The following CCDC171 variants were observed in gnomAD, a reference collection of about 807,000 sequenced individuals.
CCDC171 encodes coiled-coil domain-containing protein 171.
CCDC171 carries 177 observed loss-of-function variants against 168.2 expected under a neutral mutation model. That is an observed-to-expected ratio of 1.05 (90% CI 0.93 to 1.19). CCDC171 has a LOEUF of 1.19. Among genes scored for constraint, CCDC171 ranks in the 50% most tolerant of loss-of-function variants. The pLI, the probability that CCDC171 is intolerant of heterozygous loss-of-function variation, is 0.00. For missense variants in CCDC171, 1,991 were observed against 1,539.0 expected, an observed-to-expected ratio of 1.29 and a Z score of -4.91; for synonymous variants, 687 against 540.8, an observed-to-expected ratio of 1.27 and a Z score of -3.75.
intron 25 of CCDC171, among the ~76,000 whole-genome samples, chr9:15,943,993 A>G (rs1438264047): frequency 6.6e-6 from 1 of 152,062 alleles, no homozygotes; most frequent in Non-Finnish European, 1.5e-5. Context: ...GAACCGAAAC[A>G]GGATGCCACT....
intron 10 of CCDC171, among the ~76,000 whole-genome samples, chr9:15,682,027 G>T (rs904202412): frequency 6.6e-6 from 1 of 151,946 alleles, no homozygotes; most frequent in Admixed American, 6.6e-5. Flanking sequence ...TGAGGTACCA[G>T]ATTGTTTTCT....
chr9:15,847,839 A>T (rs1326378214), intron 22 of CCDC171, among the ~76,000 whole-genome samples: 1 of 152,130 alleles, frequency 6.6e-6, no homozygotes, highest in Non-Finnish European at 1.5e-5. Flanking sequence ...TTGCTCAAAC[A>T]TAATGAAAAC....
intron 3 of CCDC171, among the ~76,000 whole-genome samples, chr9:15,573,442 C>A (rs558445900): frequency 6.6e-6 from 1 of 151,836 alleles, no homozygotes; most frequent in African/African-American, 2.4e-5. Flanking sequence ...CCACCATGCC[C>A]GGCTAATTTT....
intron 6 of CCDC171, among the ~76,000 whole-genome samples, chr9:16,034,051 T>A (rs1193529237): frequency 6.6e-6 from 1 of 152,226 alleles, no homozygotes; most frequent in African/African-American, 2.4e-5. Flanking sequence ...GAAGATCAAG[T>A]GCTTATCTCA....
At chr9:16,080,754 G>T in the CCDC171 span, among the ~76,000 whole-genome samples, 1 of 152,142 alleles carries the variant, frequency 6.6e-6, no homozygotes, top group African/African-American at 2.4e-5. Flanking sequence ...CTATCTAGTA[G>T]AAATACTGTG....
intron 25 of CCDC171, among the ~76,000 whole-genome samples, chr9:15,950,745 A>G (rs1184694075): frequency 6.6e-6 from 1 of 152,060 alleles, no homozygotes; most frequent in Non-Finnish European, 1.5e-5. Flanking sequence ...CTAACATCAT[A>G]ATGACAGGAT....
chr9:15,687,695 A>T (rs2050496023), intron 10 of CCDC171, among the ~76,000 whole-genome samples: 1 of 152,226 alleles, frequency 6.6e-6, no homozygotes, highest in Non-Finnish European at 1.5e-5. Flanking sequence ...CGAAAGGGGG[A>T]TATAACTACT....
chr9:16,004,966 T>C (rs940539480), intron 3 of CCDC171, among the ~76,000 whole-genome samples: 1 of 152,188 alleles, frequency 6.6e-6, no homozygotes, highest in Non-Finnish European at 1.5e-5. Flanking sequence ...ATATATCGCA[T>C]AGATACCATA....
At chr9:15,565,174 C>T (rs1015764068) in intron 2 of CCDC171, among the ~76,000 whole-genome samples, 6 of 151,484 alleles carry the variant, frequency 4.0e-5, no homozygotes, top group Non-Finnish European at 5.9e-5. Context: ...CTGCAACCTC[C>T]GCCTCCCGAG....
chr9:15,617,371 G>A (rs146305895), intron 6 of CCDC171, among the ~76,000 whole-genome samples: 1 of 149,728 alleles, frequency 6.7e-6, no homozygotes, highest in East Asian at 2.0e-4. Flanking sequence ...TGGGCTTTTT[G>A]TGGGAGGGTT....
At chr9:15,642,083 G>C (rs767451548) in intron 7 of CCDC171, among the ~76,000 whole-genome samples, 1 of 151,954 alleles carries the variant, frequency 6.6e-6, no homozygotes, top group Non-Finnish European at 1.5e-5. Flanking sequence ...ACAATTGCTT[G>C]AAACCAGGAG....
At chr9:15,890,515 C>T (rs1433683407) in intron 24 of CCDC171, among the ~76,000 whole-genome samples, 1 of 149,802 alleles carries the variant, frequency 6.7e-6, no homozygotes, top group Non-Finnish European at 1.5e-5. Context: ...GGGGATTGAC[C>T]TGGAGGATTG....
At position 15,745,607 on chromosome 9, in the gene CCDC171, T is replaced by C. The variant is rs761886271; in HGVS notation, c.2647T>C (p.Leu883=). The C allele has an allele frequency of 6.4e-7, 1 of 1,560,374 alleles. No homozygotes were observed. Residue 883 remains leucine (L), a synonymous_variant, in exon 18 of 26, where the codon TTA becomes CTA. Coordinates refer to ENST00000380701, the MANE Select transcript of CCDC171 (RefSeq NM_173550.4). ...LAAIISSMAE[L]QDVIGKADPN... is the part of the protein sequence containing the mutation. ...TGCAATAATCAGTTCTATGGCTGAA[T>C]TACAAGACGTCATTGGTAAAGCAGG...
At chr9:15,737,190 A>T (rs542683748) in intron 16 of CCDC171, among the ~76,000 whole-genome samples, 15 of 152,172 alleles carry the variant, frequency 9.9e-5, no homozygotes, top group African/African-American at 3.1e-4. Flanking sequence ...AAAAAACTAT[A>T]TATGTTATAT....
intron 8 of CCDC171, among the ~76,000 whole-genome samples, chr9:15,664,567 T>TACACACACACACACACAC (rs34252519): frequency 0.061 from 8,797 of 143,904 alleles, 328 homozygotes; most frequent in Middle Eastern, 0.073. Context: ...CTTAAATTTA[T>TACACACACACACACACAC]ACACACACAC....
chr9:15,723,983 G>C (rs968246276), intron 13 of CCDC171, among the ~76,000 whole-genome samples: 1 of 152,042 alleles, frequency 6.6e-6, no homozygotes, highest in South Asian at 2.1e-4. Context: ...TTATTTCCCA[G>C]ATTTAATTAT....
At chr9:15,669,309 T>C (rs766756217) in intron 9 of CCDC171, among the ~76,000 whole-genome samples, 1 of 152,170 alleles carries the variant, frequency 6.6e-6, no homozygotes. Context: ...TAATCTTTTG[T>C]TTTCTTTTTA....
rs999667943 is a variant in CCDC171, at chr9:15,973,737, C to A, written c.*1901C>A. ...GCACATTTCAGAACACCTTTCTCTGCTGTTCCAAACAATGATTAGGATATT... is the reference window on the plus strand; with the variant it reads ...GCACATTTCAGAACACCTTTCTCTGATGTTCCAAACAATGATTAGGATATT... On this transcript the variant is annotated 3_prime_UTR_variant, in exon 26 of 26. Coordinates refer to ENST00000380701, the MANE Select transcript of CCDC171 (RefSeq NM_173550.4). 13 of 152,280 alleles carry A rather than the reference C, an allele frequency of 8.5e-5. No homozygotes were observed. Among genetic ancestry groups the A allele is most frequent in the East Asian group, 3.9e-4 (2 of 5,186 alleles). The allele number at this position is 152,280 out of a possible 1,614,324, so 9.4% of individuals were successfully genotyped here.
chr9:15,668,364 T>C (rs2048878650), intron 9 of CCDC171, among the ~76,000 whole-genome samples: 1 of 152,214 alleles, frequency 6.6e-6, no homozygotes, highest in South Asian at 2.1e-4. Context: ...CCTTAAGTTT[T>C]GTTTTGCTGT....
Sources: gnomAD v4.1 joint callset for allele counts (sites outside exome capture counted in the v4.1 genomes callset) on GRCh38, gnomAD v4.1.1 for gene constraint, MANE v1.5 for transcripts, NCBI Gene and HGNC (gene_info 2026-07-23, HGNC 2026-07-21) for gene names.